TMTC3: variants seen among roughly 807,000 people sequenced by gnomAD.
The protein encoded by TMTC3 is protein O-mannosyl-transferase TMTC3.
Under a neutral mutation model 92.2 loss-of-function variants are expected in TMTC3, and 52 were observed. That is an observed-to-expected ratio of 0.56 (90% CI 0.45 to 0.71). The LOEUF (loss-of-function observed/expected upper bound fraction) is 0.71, where lower values mean the gene tolerates loss of function less well. Ranked by LOEUF, TMTC3 falls within the 30% of genes least tolerant of loss-of-function variation. TMTC3 has a pLI of 0.00. For synonymous variants in TMTC3, 339 were observed against 363.3 expected (o/e 0.93, Z 0.76); for missense variants, 896 against 1,057.1 (o/e 0.85, Z 2.11).
chr12:88,170,635 T>G (rs190940348), intron 7 of TMTC3, among the ~76,000 whole-genome samples: 7 of 152,318 alleles, frequency 4.6e-5, no homozygotes, highest in Admixed American at 1.3e-4. Context: ...ACCTCTATAT[T>G]TCACAAATTA....
intron 2 of TMTC3, among the ~76,000 whole-genome samples, chr12:88,149,411 A>G (rs1298577866): frequency 1.3e-5 from 2 of 152,196 alleles, no homozygotes; most frequent in East Asian, 3.8e-4. Flanking sequence ...TGATCTGTAA[A>G]AGAGGATAAT....
At chr12:88,149,849 G>A (rs2138360276) in intron 2 of TMTC3, among the ~76,000 whole-genome samples, 1 of 152,100 alleles carries the variant, frequency 6.6e-6, no homozygotes, top group East Asian at 1.9e-4. Context: ...TAGTAAGGGG[G>A]AAAATATGGC....
chr12:88,149,051 AATAG>A (rs2040910242), intron 2 of TMTC3, among the ~76,000 whole-genome samples: 1 of 152,132 alleles, frequency 6.6e-6, no homozygotes, highest in Non-Finnish European at 1.5e-5. Flanking sequence ...CTTCAATATA[AATAG>A]ATAAGAATTT....
At chr12:88,166,268 AT>A in intron 6 of TMTC3, 61 bp from the exon 7 acceptor site, 1 of 1,457,590 alleles carries the variant, frequency 6.9e-7, no homozygotes, top group South Asian at 1.3e-5. Flanking sequence ...TGTTTTACTT[AT>A]GTAAATAATT....
At chr12:88,182,854 G>A (rs1330186911) in intron 10 of TMTC3, among the ~76,000 whole-genome samples, 3 of 152,126 alleles carry the variant, frequency 2.0e-5, no homozygotes, top group Non-Finnish European at 4.4e-5. Flanking sequence ...AGCTGGTATT[G>A]TAAACACAAA....
chr12:88,183,489 A>G (rs182307928), intron 10 of TMTC3, among the ~76,000 whole-genome samples: 3 of 152,192 alleles, frequency 2.0e-5, no homozygotes, highest in Admixed American at 2.0e-4. Context: ...AATTTATTGG[A>G]GGAGGGGCCT....
chr12:88,174,718 A>G lies in TMTC3; in HGVS notation c.1311A>G (p.Ser437=). Reference sequence around the variant, plus strand: ...AGTCTGAATATACATTGTTTATGTCAGCCTTGAAGGTAAAGTGTTGTTCAG... The same window carrying G: ...AGTCTGAATATACATTGTTTATGTCGGCCTTGAAGGTAAAGTGTTGTTCAG... ...DWESEYTLFM[S]ALKVNKNNAK... is the part of the protein sequence containing the mutation. The change falls in exon 9 of 14, where the codon TCA becomes TCG. Residue 437 remains serine, a synonymous_variant. Transcript: ENST00000266712. 1 of 1,612,060 alleles carries G rather than the reference A, an allele frequency of 6.2e-7. No homozygotes were observed. The highest frequency in any genetic ancestry group is 8.5e-7 in the Non-Finnish European group (1 of 1,178,840).
chr12:88,185,881 A>G (rs2041372635), intron 10 of TMTC3, among the ~76,000 whole-genome samples: 1 of 152,156 alleles, frequency 6.6e-6, no homozygotes, highest in Non-Finnish European at 1.5e-5. Context: ...CCTTGCCTTC[A>G]GTAATACACA....
At chr12:88,157,782 G>A (rs2041028224) in intron 4 of TMTC3, among the ~76,000 whole-genome samples, 1 of 152,078 alleles carries the variant, frequency 6.6e-6, no homozygotes, top group Non-Finnish European at 1.5e-5. Flanking sequence ...ACTTGTTTTG[G>A]ACAAAATCAC....
chr12:88,148,394 G>T lies in TMTC3; in HGVS notation c.79G>T (p.Gly27Cys). ...CTGCTATTGGAACAGCCTCTTTTGT[G>T]GTTTTGTTTTTGATGATGTTTCAGC... Reference protein sequence around the residue: ...TACYWNSLFCGFVFDDVSAIL... With the variant: ...TACYWNSLFCCFVFDDVSAIL... The change falls in exon 2 of 14, where the codon GGT (glycine) becomes TGT (cysteine). Residue 27 changes from glycine to cysteine, a missense_variant. Physicochemically the swap from Gly to Cys is radical, Grantham distance 159. Transcript: ENST00000266712. 1 of 1,613,368 alleles carries T rather than the reference G, an allele frequency of 6.2e-7. No homozygotes were observed. The highest frequency in any genetic ancestry group is 8.5e-7 in the Non-Finnish European group (1 of 1,179,632).
intron 7 of TMTC3, among the ~76,000 whole-genome samples, chr12:88,167,603 T>G (rs1269172862): frequency 6.6e-6 from 1 of 152,204 alleles, no homozygotes; most frequent in African/African-American, 2.4e-5. Context: ...GAGGTTATGA[T>G]AGTAAATACA....
In TMTC3 at chr12:88,181,456, T is replaced by G. The variant is rs1205086481; in HGVS notation, c.1432+5137T>G. Reference sequence around the variant, plus strand: ...GGTTGAAATTGTTTAGTTAAGTTTCTTCAGTTTTGGTGGAAAAATTGATGC... The same window carrying G: ...GGTTGAAATTGTTTAGTTAAGTTTCGTCAGTTTTGGTGGAAAAATTGATGC... On this transcript the variant is annotated intron_variant, in intron 10 of 13. Transcript: ENST00000266712. Among the ~76,000 whole-genome samples, 2 of 152,092 alleles carry G rather than the reference T, an allele frequency of 1.3e-5. 1 individual carries two copies. The highest frequency in any genetic ancestry group is 4.8e-5 in the African/African-American group (2 of 41,424).
chr12:88,143,611 C>G (rs2040820925), intron 1 of TMTC3, among the ~76,000 whole-genome samples: 2 of 152,292 alleles, frequency 1.3e-5, no homozygotes, highest in Non-Finnish European at 2.9e-5. Context: ...GTTCCTCAAT[C>G]TTGCTATTTT....
In TMTC3 at chr12:88,154,175, A is replaced by G. The variant is rs2040978222; in HGVS notation, c.409-113A>G. 6.8e-6 allele frequency: 5 copies of G among 740,276 alleles called. No individual in the cohort carries two copies. In the Admixed American group the frequency reaches 1.3e-4, roughly 20 times the overall value. 45.9% of individuals were successfully genotyped at this position (740,276 alleles called of 1,614,324 possible). ...TGAGGGCACCCAAAGAATGTTTAAG[A>G]AACAAATGTGCACTTGAAAAGTTAC... is the stretch of plus-strand genomic sequence containing the variant. On this transcript the variant is annotated intron_variant, in intron 3 of 13. Coordinates refer to ENST00000266712, the MANE Select transcript of TMTC3 (RefSeq NM_181783.4).
rs773105359 is a variant in TMTC3 at position 88,172,593 on chromosome 12, G to A, written c.1051-4G>A. 2 of 1,277,658 alleles carry A rather than the reference G, an allele frequency of 1.6e-6. No homozygotes were observed. The highest frequency in any genetic ancestry group is 2.0e-6 in the Non-Finnish European group (2 of 997,662). 79.1% of individuals were successfully genotyped at this position (1,277,658 alleles called of 1,614,324 possible). ...ATTATTAAATCTTCTTTTTTTTTTT[G>A]TAGGCGCTTTGTTTAATGGCATTAC... On this transcript the variant is annotated splice_polypyrimidine_tract_variant and splice_region_variant and intron_variant, in intron 7 of 13. Transcript: ENST00000266712.
At chr12:88,186,197 A>G (rs1304059344) in intron 10 of TMTC3, among the ~76,000 whole-genome samples, 1 of 152,174 alleles carries the variant, frequency 6.6e-6, no homozygotes, top group African/African-American at 2.4e-5. Flanking sequence ...ATCCCTAGGC[A>G]GGATGACTGA....
rs142095812 is a variant in TMTC3 at position 88,192,762 on chromosome 12, G to A, written c.1865G>A (p.Arg622His). 127 of 1,613,292 alleles carry A rather than the reference G, an allele frequency of 7.9e-5. No individual in the cohort carries two copies. The East Asian group carries it at 1.3e-3, about 16-fold the overall frequency. The change falls in exon 13 of 14, where the codon CGT becomes CAT. Residue 622 changes from arginine (R) to histidine (H), a missense_variant. Arg to His is a conservative substitution (Grantham distance 29). Coordinates refer to ENST00000266712, the MANE Select transcript of TMTC3 (RefSeq NM_181783.4). ...EPNEALKNFN[R>H]ALELNPKHKL... ...AATGAAGCCCTAAAAAACTTTAATC[G>A]TGCTCTGGAACTAAATCCAAAGCAT...
chr12:88,150,860 GACATTC>G (rs2040934423), intron 2 of TMTC3, among the ~76,000 whole-genome samples: 1 of 152,056 alleles, frequency 6.6e-6, no homozygotes, highest in Non-Finnish European at 1.5e-5. Context: ...TTGGGCTTAG[GACATTC>G]TCCTAAGCCA....
At chr12:88,164,413 T>C (rs1349741941) in intron 6 of TMTC3, among the ~76,000 whole-genome samples, 1 of 152,036 alleles carries the variant, frequency 6.6e-6, no homozygotes, top group Non-Finnish European at 1.5e-5. Flanking sequence ...CTAAAAACTC[T>C]ATCCAGGTAC....
Sources: gnomAD v4.1 joint callset for allele counts (sites outside exome capture counted in the v4.1 genomes callset) on GRCh38, gnomAD v4.1.1 for gene constraint, MANE v1.5 for transcripts, NCBI Gene and HGNC (gene_info 2026-07-23, HGNC 2026-07-21) for gene names.